Variants in GPC6 observed in about 807,000 individuals in gnomAD.
The protein encoded by GPC6 is glypican-6.
GPC6 carries 14 observed loss-of-function variants against 55.2 expected under a neutral mutation model. That is an observed-to-expected ratio of 0.25 (90% CI 0.17 to 0.40). GPC6 has a LOEUF of 0.40. Ranked by LOEUF, GPC6 falls within the 10% of genes least tolerant of loss-of-function variation. The pLI is 1.00. For synonymous variants in GPC6, 278 were observed against 259.6 expected (o/e 1.07, Z -0.68); for missense variants, 641 against 708.5 (o/e 0.90, Z 1.08).
intron 1 of GPC6, among the ~76,000 whole-genome samples, chr13:93,543,166 T>G (rs1035151086): frequency 6.6e-6 from 1 of 152,250 alleles, no homozygotes; most frequent in Admixed American, 6.5e-5. Context: ...GGGTTTGTCA[T>G]AGATAGCTCT....
intron 6 of GPC6, among the ~76,000 whole-genome samples, chr13:94,373,501 G>A (rs151283409): frequency 0.11 from 16,920 of 152,098 alleles, 1,137 homozygotes; most frequent in East Asian, 0.31. Flanking sequence ...AAGCGAGAAC[G>A]GAAGTTTAGA....
At chr13:93,604,801 C>T (rs1321432199) in intron 2 of GPC6, among the ~76,000 whole-genome samples, 1 of 151,914 alleles carries the variant, frequency 6.6e-6, no homozygotes, top group Non-Finnish European at 1.5e-5. Context: ...CCAGCCTTAG[C>T]ACAGTATCCA....
chr13:94,248,496 A>G (rs899883820), intron 4 of GPC6, among the ~76,000 whole-genome samples: 2 of 152,070 alleles, frequency 1.3e-5, no homozygotes, highest in Non-Finnish European at 2.9e-5. Flanking sequence ...AAAACCTCAA[A>G]TCTTATCATT....
At chr13:94,269,558 C>G (rs1193754263) in intron 4 of GPC6, among the ~76,000 whole-genome samples, 1 of 152,144 alleles carries the variant, frequency 6.6e-6, no homozygotes, top group Non-Finnish European at 1.5e-5. Context: ...ATCAGCTACC[C>G]CGGTGCACAT....
rs189114800 is a variant in GPC6 at position 94,390,355 on chromosome 13, T to C, written c.1289+7805T>C. Among the ~76,000 whole-genome samples, 12 of 152,306 alleles carry C rather than the reference T, an allele frequency of 7.9e-5. No homozygotes were observed. The East Asian group carries it at 2.3e-3, about 29-fold the overall frequency. ...CAAACACCTTGGAAAGGTGGGTGTATTCATCCGTTCTCACACTGCTATAAA... is the reference window on the plus strand; with the variant it reads ...CAAACACCTTGGAAAGGTGGGTGTACTCATCCGTTCTCACACTGCTATAAA... On this transcript the variant is annotated intron_variant, in intron 7 of 8. Transcript: ENST00000377047.
At chr13:93,241,259 C>T (rs553395161) in intron 1 of GPC6, among the ~76,000 whole-genome samples, 1 of 152,290 alleles carries the variant, frequency 6.6e-6, no homozygotes, top group African/African-American at 2.4e-5. Context: ...TTCTTCTTCT[C>T]CTTCAGGAAT....
intron 2 of GPC6, among the ~76,000 whole-genome samples, chr13:93,598,080 G>T (rs1877843714): frequency 6.6e-6 from 1 of 152,116 alleles, no homozygotes; most frequent in Non-Finnish European, 1.5e-5. Context: ...GGAGGCAGAG[G>T]TTGCAGTGAG....
intron 2 of GPC6, among the ~76,000 whole-genome samples, chr13:93,732,567 G>A (rs1416939190): frequency 6.6e-6 from 1 of 152,176 alleles, no homozygotes; most frequent in African/African-American, 2.4e-5. Flanking sequence ...TATGGCTTCA[G>A]CAAGCAGCAG....
chr13:93,317,600 T>G (rs1242495832), intron 1 of GPC6, among the ~76,000 whole-genome samples: 1 of 152,144 alleles, frequency 6.6e-6, no homozygotes, highest in Non-Finnish European at 1.5e-5. Context: ...TACTGAAAGC[T>G]TTTAGTCTGA....
intron 3 of GPC6, among the ~76,000 whole-genome samples, chr13:93,941,448 A>G (rs1011264859): frequency 5.3e-5 from 8 of 152,232 alleles, no homozygotes; most frequent in Admixed American, 5.2e-4. Flanking sequence ...GAGGATGGCA[A>G]TTGTGGCATG....
rs1219772783 is a variant in GPC6, at chr13:94,004,681, C to T, written c.712-23048C>T. The stretch of plus-strand genomic sequence containing the variant: ...TTTGTATGTATAGTTTGACTTCTTA[C>T]TATGCCACAGTGTAAAATGCCAGGA... On this transcript the variant is annotated intron_variant, in intron 3 of 8. Transcript: ENST00000377047. 4.6e-5 allele frequency among the ~76,000 whole-genome samples: 7 copies of T among 152,256 alleles called. No homozygotes were observed. The East Asian group carries it at 1.3e-3, about 29-fold the overall frequency.
chr13:94,150,248 C>A (rs1385911484), intron 4 of GPC6, among the ~76,000 whole-genome samples: 1 of 152,098 alleles, frequency 6.6e-6, no homozygotes, highest in Non-Finnish European at 1.5e-5. Context: ...CCACTTAATT[C>A]TATTTGCCTA....
intron 2 of GPC6, among the ~76,000 whole-genome samples, chr13:93,676,127 AT>A (rs1383749175): frequency 0.15 from 1,533 of 10,068 alleles, 107 homozygotes; most frequent in African/African-American, 0.24. Flanking sequence ...AAAAAAAAAA[AT>A]ATATATATAT....
chr13:93,637,415 T>C (rs1407928688), intron 2 of GPC6, among the ~76,000 whole-genome samples: 1 of 152,044 alleles, frequency 6.6e-6, no homozygotes, highest in African/African-American at 2.4e-5. Flanking sequence ...ACTAGAGGTC[T>C]CTTGCCACAA....
At chr13:94,014,617 A>G (rs1594666960) in intron 3 of GPC6, among the ~76,000 whole-genome samples, 1 of 152,260 alleles carries the variant, frequency 6.6e-6, no homozygotes, top group African/African-American at 2.4e-5. Flanking sequence ...TAATCTAATT[A>G]TGGAACATTT....
At chr13:93,984,121 TA>T (rs1194531538) in intron 3 of GPC6, among the ~76,000 whole-genome samples, 1 of 152,120 alleles carries the variant, frequency 6.6e-6, no homozygotes, top group East Asian at 1.9e-4. Context: ...AGCTCAAAAT[TA>T]TGCTGACCTC....
At chr13:94,305,651 G>A (rs944118969) in intron 5 of GPC6, among the ~76,000 whole-genome samples, 1 of 152,120 alleles carries the variant, frequency 6.6e-6, no homozygotes, top group African/African-American at 2.4e-5. Context: ...GTGTCTCTAT[G>A]TCCATGAGAG....
chr13:93,642,577 T>G (rs1015804027), intron 2 of GPC6, among the ~76,000 whole-genome samples: 1 of 152,044 alleles, frequency 6.6e-6, no homozygotes, highest in Non-Finnish European at 1.5e-5. Flanking sequence ...CTTTAAACTG[T>G]TTTTCAAGTA....
intron 1 of GPC6, among the ~76,000 whole-genome samples, chr13:93,364,010 A>G (rs1370118975): frequency 6.6e-6 from 1 of 151,768 alleles, no homozygotes; most frequent in African/African-American, 2.4e-5. Context: ...AATTTGTTTG[A>G]GTTCATTGTA....
Sources: gnomAD v4.1 joint callset for allele counts (sites outside exome capture counted in the v4.1 genomes callset) on GRCh38, gnomAD v4.1.1 for gene constraint, MANE v1.5 for transcripts, NCBI Gene and HGNC (gene_info 2026-07-23, HGNC 2026-07-21) for gene names.